SYNCRIP: variants seen among roughly 807,000 people sequenced by gnomAD.
The protein encoded by SYNCRIP is synaptotagmin binding cytoplasmic RNA interacting protein.
Under a neutral mutation model 68.9 loss-of-function variants are expected in SYNCRIP, and 9 were observed. The observed-to-expected ratio is 0.13, with a 90% CI of 0.08 to 0.23. The LOEUF is 0.23. SYNCRIP is among the 10% of genes least tolerant of loss of function. The pLI, the probability that SYNCRIP is intolerant of heterozygous loss-of-function variation, is 1.00. For synonymous variants in SYNCRIP, 258 were observed against 254.0 expected (o/e 1.02, Z -0.15); for missense variants, 414 against 770.6 (o/e 0.54, Z 5.48).
intron 6 of SYNCRIP, among the ~76,000 whole-genome samples, chr6:85,630,725 A>G (rs1562098966): frequency 6.6e-6 from 1 of 152,228 alleles, no homozygotes; most frequent in Non-Finnish European, 1.5e-5. Flanking sequence ...TTACATAAGA[A>G]TATTAGAGAG....
At chr6:85,643,507 C>A (rs1456420375), upstream of SYNCRIP, among the ~76,000 whole-genome samples, 1 of 151,988 alleles carries the variant, frequency 6.6e-6, no homozygotes, top group Non-Finnish European at 1.5e-5. Flanking sequence ...CCCTTCCCCT[C>A]CCGACACTCC....
In SYNCRIP at chr6:85,640,442, T is replaced by C. The variant is rs747529584; in HGVS notation, c.267+4A>G. 6.3e-7 allele frequency: 1 copy of C among 1,596,898 alleles called. No individual in the cohort carries two copies. The highest frequency in any genetic ancestry group is 2.2e-5 in the East Asian group (1 of 44,714). On this transcript the variant is annotated splice_donor_region_variant and intron_variant, in intron 3 of 10. Coordinates refer to ENST00000369622, the MANE Select transcript of SYNCRIP (RefSeq NM_006372.5). ...TTTAATTTTCACATTGACATTAACA[T>C]TACCTGAACATGAGAGAGATCACTG... is the stretch of plus-strand genomic sequence containing the variant.
chr6:85,638,380 C>CAAAAAAAAAAAAAAAAAAAAAAAAAAAAA (rs71003001), intron 4 of SYNCRIP, among the ~76,000 whole-genome samples: 1 of 42,850 alleles, frequency 2.3e-5, no homozygotes, highest in African/African-American at 9.9e-5. Flanking sequence ...GACCCCATCT[C>CAAAAAAAAAAAAAAAAAAAAAAAAAAAAA]AAAAAAAAAA....
In SYNCRIP at chr6:85,623,562, C is replaced by CCAAAAAAAAAAAAAAAAAAAAAAAA. The variant is rs572909849; in HGVS notation, c.802+414_802+415insTTTTTTTTTTTTTTTTTTTTTTTTG. Reference sequence around the variant, plus strand: ...CTGGGCAACAAAGCAAGACTGTCTCCAAAAAAAAAAAAAAAAAAAAACACT... The same window carrying CCAAAAAAAAAAAAAAAAAAAAAAAA: ...CTGGGCAACAAAGCAAGACTGTCTCCCAAAAAAAAAAAAAAAAAAAAAAAAAAAAAAAAAAAAAAAAAAAAACACT... On this transcript the variant is annotated intron_variant, in intron 7 of 10. Transcript: ENST00000369622. Among the ~76,000 whole-genome samples, 3 of 63,240 alleles carry CCAAAAAAAAAAAAAAAAAAAAAAAA rather than the reference C, an allele frequency of 4.7e-5. 1 individual carries two copies. Among genetic ancestry groups the CCAAAAAAAAAAAAAAAAAAAAAAAA allele is most frequent in the African/African-American group, 6.8e-5 (1 of 14,696 alleles). 41.5% of individuals were successfully genotyped at this position (63,240 alleles called of 152,430 possible). A position where few individuals can be genotyped will look rare whatever the true frequency, so the allele number is the denominator to read the frequency against.
intron 6 of SYNCRIP, among the ~76,000 whole-genome samples, chr6:85,625,377 AG>A (rs753045970): frequency 6.7e-6 from 1 of 148,372 alleles, no homozygotes; most frequent in South Asian, 2.1e-4. Context: ...TTAAACATAC[AG>A]GGTTTTTTTT....
intron 6 of SYNCRIP, among the ~76,000 whole-genome samples, chr6:85,632,093 T>A (rs1003343328): frequency 1.3e-5 from 2 of 152,262 alleles, no homozygotes; most frequent in East Asian, 1.9e-4. Context: ...ATTAACTTCA[T>A]GCCTCTTCAA....
At position 85,613,979 on chromosome 6, in the gene SYNCRIP, C is replaced by G; in HGVS notation, c.*777G>C. 1 of 983,288 alleles carries G rather than the reference C, an allele frequency of 1.0e-6. No individual in the cohort carries two copies. Among genetic ancestry groups the G allele is most frequent in the Non-Finnish European group, 1.2e-6 (1 of 827,944 alleles). 60.9% of individuals were successfully genotyped at this position (983,288 alleles called of 1,614,324 possible). On this transcript the variant is annotated 3_prime_UTR_variant, in exon 11 of 11. Transcript: ENST00000369622. Reference sequence around the variant, plus strand: ...TAAAATACTTACCAACTTAAACTTACTACATGTATTATCTTTTTATTTTTG... The same window carrying G: ...TAAAATACTTACCAACTTAAACTTAGTACATGTATTATCTTTTTATTTTTG...
At chr6:85,627,349 T>G (rs577481705) in intron 6 of SYNCRIP, among the ~76,000 whole-genome samples, 12 of 151,002 alleles carry the variant, frequency 7.9e-5, no homozygotes, top group Non-Finnish European at 1.3e-4. Flanking sequence ...TGAAAATAAG[T>G]CATTAAGCGA....
At position 85,614,887 on chromosome 6, in the gene SYNCRIP, T is replaced by A; in HGVS notation, c.1741A>T (p.Asn581Tyr). 2 of 1,614,204 alleles carry A rather than the reference T, an allele frequency of 1.2e-6. No homozygotes were observed. The highest frequency in any genetic ancestry group is 1.7e-6 in the Non-Finnish European group (2 of 1,180,034). ...NQPDSKRRQT[N>Y]NQNWGSQPIA... is the part of the protein sequence containing the mutation. ...GGTTGGGAGCCCCAGTTCTGATTATTGGTCTGGCGCCGCTTGGAATCTGGC... is the reference window on the plus strand; with the variant it reads ...GGTTGGGAGCCCCAGTTCTGATTATAGGTCTGGCGCCGCTTGGAATCTGGC... Residue 581 changes from asparagine (N) to tyrosine (Y), a missense_variant, in exon 11 of 11, where the codon AAT (asparagine) becomes TAT (tyrosine). By Grantham distance (143) the Asn-to-Tyr change is moderately radical. This residue lies in a region of SYNCRIP where 130 missense variants were observed against 149.0 expected (regional missense o/e 0.87). Transcript: ENST00000369622.
rs146632870 is a variant in SYNCRIP at position 85,634,161 on chromosome 6, T to A, written c.666+2806A>T. 5.8e-4 allele frequency among the ~76,000 whole-genome samples: 88 copies of A among 152,312 alleles called. 1 individual carries two copies. The East Asian group carries it at 0.013, about 23-fold the overall frequency. On this transcript the variant is annotated intron_variant, in intron 6 of 10. Transcript: ENST00000369622. Reference sequence around the variant, plus strand: ...CTATATTCTAAGCAACCTACAGCAATGCAATTTTATAATTTAACGTATTTA... The same window carrying A: ...CTATATTCTAAGCAACCTACAGCAAAGCAATTTTATAATTTAACGTATTTA...
rs1291809462 is a variant in SYNCRIP at position 85,614,835 on chromosome 6, C to A, written c.1793G>T (p.Gly598Val). The A allele has an allele frequency of 6.2e-7, 1 of 1,613,968 alleles. No individual in the cohort carries two copies. Among genetic ancestry groups the A allele is most frequent in the Non-Finnish European group, 8.5e-7 (1 of 1,179,978 alleles). The change falls in exon 11 of 11, where the codon GGT becomes GTT. Residue 598 changes from glycine (G) to valine (V), a missense_variant. Physicochemically the swap from Gly to Val is moderately radical, Grantham distance 109 (BLOSUM62 -3). Transcript: ENST00000369622. ...QPIAQQPLQG[G>V]DHSGNYGYKS... ...GTAACCATAGTTACCAGAATGATCA[C>A]CACCTTGGAGCGGTTGCTGAGCAAT...
chr6:85,622,757 T>C (rs985482649), intron 7 of SYNCRIP, 70 bp from the exon 8 acceptor site: 3 of 1,187,998 alleles, frequency 2.5e-6, no homozygotes, highest in Non-Finnish European at 3.7e-6. Context: ...TCAAAGGATT[T>C]ATCTAAGATA....
At position 85,622,362 on chromosome 6, in the gene SYNCRIP, G is replaced by A. The variant is rs1806515134; in HGVS notation, c.1008+120C>T. 10 of 969,452 alleles carry A rather than the reference G, an allele frequency of 1.0e-5. No homozygotes were observed. In the East Asian group the frequency reaches 2.2e-4, roughly 22 times the overall value. The allele number at this position is 969,452 out of a possible 1,614,324, so 60.1% of individuals were successfully genotyped here. A position where few individuals can be genotyped will look rare whatever the true frequency, so the allele number is the denominator to read the frequency against. ...CCAGCCTGGGAAACATGGGAAACAA[G>A]AGACTCTTGTCTCAAAAAATAAAAA... On this transcript the variant is annotated intron_variant, in intron 8 of 10. Coordinates refer to ENST00000369622, the MANE Select transcript of SYNCRIP (RefSeq NM_006372.5).
intron 6 of SYNCRIP, among the ~76,000 whole-genome samples, chr6:85,630,725 A>AT (rs1438286914): frequency 1.3e-5 from 2 of 152,228 alleles, no homozygotes; most frequent in African/African-American, 4.8e-5. Context: ...TTACATAAGA[A>AT]TATTAGAGAG....
rs768660758 is a variant in SYNCRIP at position 85,614,925 on chromosome 6, T to C, written c.1703A>G (p.Asp568Gly). The change falls in exon 11 of 11, where the codon GAT (aspartate) becomes GGT (glycine). Residue 568 changes from aspartate to glycine, a missense_variant. By Grantham distance (94) the Asp-to-Gly change is moderately conservative. Transcript: ENST00000369622. ...CTTGGAATCTGGCTGGTTGTACCCA[T>C]CAGCTTTGCGCTTTCCTCCTACATT... The part of the protein sequence containing the change: ...GGNVGGKRKA[D>G]GYNQPDSKRR... The C allele has an allele frequency of 1.2e-6, 2 of 1,614,186 alleles. No individual in the cohort carries two copies. The highest frequency in any genetic ancestry group is 2.2e-5 in the South Asian group (2 of 91,076).
chr6:85,622,214 A>G (rs1244101785), intron 8 of SYNCRIP, among the ~76,000 whole-genome samples: 2 of 152,004 alleles, frequency 1.3e-5, no homozygotes, highest in East Asian at 3.9e-4. Flanking sequence ...TCTACTAAAA[A>G]AAACACAAAA....
At chr6:85,639,151 T>G (rs925061780) in intron 4 of SYNCRIP, among the ~76,000 whole-genome samples, 4 of 152,110 alleles carry the variant, frequency 2.6e-5, no homozygotes, top group African/African-American at 9.7e-5. Flanking sequence ...GAGGTTGCAG[T>G]GAGCCAAGAT....
intron 6 of SYNCRIP, among the ~76,000 whole-genome samples, chr6:85,630,824 C>CAT (rs1265093423): frequency 6.6e-6 from 1 of 152,178 alleles, no homozygotes; most frequent in East Asian, 1.9e-4. Flanking sequence ...AAAATATATA[C>CAT]ATATTCTAAT....
chr6:85,628,904 G>T (rs1337479497), intron 6 of SYNCRIP, among the ~76,000 whole-genome samples: 1 of 152,124 alleles, frequency 6.6e-6, no homozygotes, highest in Non-Finnish European at 1.5e-5. Context: ...TTCAATTCTT[G>T]ATAAAAACTA....
Sources: allele counts gnomAD v4.1 joint callset (sites outside exome capture counted in the v4.1 genomes callset), GRCh38; gene constraint gnomAD v4.1.1; regional missense constraint gnomAD v4.1.1; transcripts MANE v1.5; gene names NCBI Gene and HGNC (gene_info 2026-07-23, HGNC 2026-07-21).